TYW1: variants seen among roughly 807,000 people sequenced by gnomAD.
The protein encoded by TYW1 is tRNA-yW synthesizing protein 1 homolog.
A neutral mutation model predicts 96.2 loss-of-function variants in TYW1; 46 were observed. That is an observed-to-expected ratio of 0.48 (90% CI 0.38 to 0.61). The LOEUF (loss-of-function observed/expected upper bound fraction) is 0.61, where lower values mean the gene tolerates loss of function less well. Among genes scored for constraint, TYW1 ranks in the 20% least tolerant of loss-of-function variants. The pLI is 0.00. For synonymous variants in TYW1, 274 were observed against 323.0 expected (o/e 0.85, Z 1.63); for missense variants, 684 against 909.6 (o/e 0.75, Z 3.19).
intron 7 of TYW1, among the ~76,000 whole-genome samples, chr7:67,042,602 G>A (rs1360636025): frequency 1.3e-5 from 2 of 152,178 alleles, no homozygotes; most frequent in Non-Finnish European, 2.9e-5. Context: ...AGTGGAGGGG[G>A]CTGAGCTTTC....
intron 14 of TYW1, among the ~76,000 whole-genome samples, chr7:67,190,695 C>T (rs1014716664): frequency 1.3e-5 from 2 of 152,134 alleles, no homozygotes; most frequent in African/African-American, 2.4e-5. Context: ...GGCCTCGTGC[C>T]GTGGTGAGAA....
intron 10 of TYW1, among the ~76,000 whole-genome samples, chr7:67,073,598 C>T (rs1317783080): frequency 2.6e-5 from 4 of 151,184 alleles, no homozygotes; most frequent in Non-Finnish European, 4.4e-5. Context: ...AGGGAAACCC[C>T]GTCTCTACTT....
rs183175077 is a variant in TYW1, at chr7:67,013,309, G to C, written c.376-1058G>C. On this transcript the variant is annotated intron_variant, in intron 4 of 15. Transcript: ENST00000359626. ...GCCTAGTTTTTGTATTTTTAGTAGAGATGGGGTTTCACTGTGTTGCTTAGG... is the reference window on the plus strand; with the variant it reads ...GCCTAGTTTTTGTATTTTTAGTAGACATGGGGTTTCACTGTGTTGCTTAGG... 1.2e-4 allele frequency among the ~76,000 whole-genome samples: 18 copies of C among 151,966 alleles called. No homozygotes were observed. In the East Asian group the frequency reaches 3.5e-3, roughly 29 times the overall value.
intron 8 of TYW1, among the ~76,000 whole-genome samples, chr7:67,052,884 C>T (rs759582628): frequency 4.6e-5 from 7 of 151,368 alleles, no homozygotes; most frequent in Non-Finnish European, 1.0e-4. Context: ...TGAGTAATTG[C>T]GTGCCCACTA....
intron 14 of TYW1, among the ~76,000 whole-genome samples, chr7:67,190,061 G>C (rs1236779126): frequency 1.3e-5 from 2 of 151,768 alleles, no homozygotes; most frequent in African/African-American, 4.9e-5. Context: ...GACGTGCTCA[G>C]TAATTATTTG....
intron 13 of TYW1, among the ~76,000 whole-genome samples, chr7:67,135,970 G>A (rs1666522431): frequency 6.6e-6 from 1 of 152,188 alleles, no homozygotes; most frequent in Non-Finnish European, 1.5e-5. Context: ...TTCTGGTACT[G>A]CTAATCCTGA....
At chr7:67,089,837 G>A (rs1796658224) in intron 11 of TYW1, among the ~76,000 whole-genome samples, 1 of 152,126 alleles carries the variant, frequency 6.6e-6, no homozygotes, top group African/African-American at 2.4e-5. Flanking sequence ...TTGATTAAAA[G>A]TGGGTCAGAA....
intron 14 of TYW1, among the ~76,000 whole-genome samples, chr7:67,194,450 C>A (rs1800323023): frequency 6.6e-6 from 1 of 151,840 alleles, no homozygotes; most frequent in Non-Finnish European, 1.5e-5. Context: ...CATGGCGAAA[C>A]CCCATCTCTA....
intron 8 of TYW1, among the ~76,000 whole-genome samples, chr7:67,053,862 A>G (rs2115578427): frequency 6.6e-6 from 1 of 152,290 alleles, no homozygotes; most frequent in South Asian, 2.1e-4. Flanking sequence ...GTCTCTTTGT[A>G]GGTTTCATCT....
chr7:67,107,582 A>T (rs1239721549), intron 12 of TYW1, among the ~76,000 whole-genome samples: 2 of 151,958 alleles, frequency 1.3e-5, no homozygotes. Context: ...GTAAAATGAT[A>T]ATAATAATAA....
chr7:67,217,268 A>G (rs1032957971), intron 15 of TYW1, among the ~76,000 whole-genome samples: 1 of 152,082 alleles, frequency 6.6e-6, no homozygotes, highest in African/African-American at 2.4e-5. Context: ...AAATTTTTTC[A>G]TAAAGTCCAG....
At chr7:67,168,200 T>A (rs1270824909) in intron 13 of TYW1, among the ~76,000 whole-genome samples, 1 of 151,012 alleles carries the variant, frequency 6.6e-6, no homozygotes, top group Non-Finnish European at 1.5e-5. Flanking sequence ...TTTATTCTGC[T>A]AATATGGTGA....
chr7:67,204,543 C>CTCT (rs988921180), intron 15 of TYW1, among the ~76,000 whole-genome samples: 64 of 132,740 alleles, frequency 4.8e-4, no homozygotes, highest in Non-Finnish European at 7.4e-4. Flanking sequence ...CTTCCTCTTC[C>CTCT]TCTTCTTCTT....
intron 7 of TYW1, among the ~76,000 whole-genome samples, chr7:67,042,043 A>ATATATAATTATATTAGAAT (rs71526595): frequency 2.7e-5 from 2 of 73,192 alleles, no homozygotes; most frequent in East Asian, 2.3e-4. Flanking sequence ...ATTAGAATTA[A>ATATATAATTATATTAGAAT]TATATAATTA....
intron 12 of TYW1, among the ~76,000 whole-genome samples, chr7:67,099,546 C>T (rs1000398641): frequency 2.0e-5 from 3 of 152,136 alleles, no homozygotes; most frequent in African/African-American, 4.8e-5. Context: ...ACTTCAAATG[C>T]GGTCCTTTGG....
intron 13 of TYW1, among the ~76,000 whole-genome samples, chr7:67,147,539 T>C (rs1798646827): frequency 6.6e-6 from 1 of 152,212 alleles, no homozygotes; most frequent in South Asian, 2.1e-4. Context: ...TTAAGCCTGC[T>C]ACCCATTTGT....
At chr7:67,076,963 G>A (rs1358239760) in intron 10 of TYW1, among the ~76,000 whole-genome samples, 1 of 151,516 alleles carries the variant, frequency 6.6e-6, no homozygotes, top group African/African-American at 2.4e-5. Flanking sequence ...TAGTAGAGAC[G>A]GGATTTCACC....
chr7:67,039,862 C>T (rs113611729), intron 7 of TYW1, among the ~76,000 whole-genome samples: 9,726 of 151,812 alleles, frequency 0.064, 424 homozygotes, highest in South Asian at 0.12. Flanking sequence ...GGGGTTTCAC[C>T]GTGTTGGCCA....
chr7:67,030,975 T>C (rs1489823264), intron 7 of TYW1, among the ~76,000 whole-genome samples: 5 of 146,902 alleles, frequency 3.4e-5, no homozygotes, highest in South Asian at 2.2e-4. Flanking sequence ...CCGAGGTGGG[T>C]GGATCACCTG....
Sources: gnomAD v4.1 joint callset for allele counts (sites outside exome capture counted in the v4.1 genomes callset) on GRCh38, gnomAD v4.1.1 for gene constraint, MANE v1.5 for transcripts, NCBI Gene and HGNC (gene_info 2026-07-23, HGNC 2026-07-21) for gene names.